PAQR3: variants seen among roughly 807,000 people sequenced by gnomAD.
PAQR3 encodes progestin and adipoQ receptor family member 3.
In PAQR3, 39 loss-of-function variants were observed where a neutral mutation model predicts 41.7. The ratio of observed to expected loss-of-function variants is 0.93; its 90% CI spans 0.72 to 1.22. The LOEUF (loss-of-function observed/expected upper bound fraction) is 1.22. Ranked by LOEUF, PAQR3 falls within the 50% of genes most tolerant of loss-of-function variation. PAQR3 has a pLI of 0.00. For synonymous variants in PAQR3, 140 were observed against 140.6 expected (o/e 1.00, Z 0.03); for missense variants, 366 against 385.6 (o/e 0.95, Z 0.42).
At chr4:78,902,606 A>G (rs1200156497) in intron 11 of PAQR3, among the ~76,000 whole-genome samples, 1 of 152,160 alleles carries the variant, frequency 6.6e-6, no homozygotes, top group African/African-American at 2.4e-5. Context: ...TGTAATTACA[A>G]TAGAAGTTTC....
intron 2 of PAQR3, among the ~76,000 whole-genome samples, chr4:78,932,256 C>T (rs575677558): frequency 5.3e-5 from 8 of 152,222 alleles, no homozygotes; most frequent in African/African-American, 1.7e-4. Context: ...TACTAAGCAA[C>T]CAATCAGTAA....
In PAQR3 at chr4:78,913,913, T is replaced by TC. The variant is rs1560563757; in HGVS notation, c.*6625dup. 2.6e-5 allele frequency: 4 copies of TC among 151,932 alleles called. No homozygotes were observed. The highest frequency in any genetic ancestry group is 9.7e-5 in the African/African-American group (4 of 41,394). The allele number at this position is 151,932 out of a possible 1,614,324, so 9.4% of individuals were successfully genotyped here. A position where few individuals can be genotyped will look rare whatever the true frequency, so the allele number is the denominator to read the frequency against. Reference sequence around the variant, plus strand: ...ATATGTTTGCACCTTTTTTTTTTTTTCTGATTCTCAGGTTGATTAATACTG... The same window carrying TC: ...ATATGTTTGCACCTTTTTTTTTTTTTCCTGATTCTCAGGTTGATTAATACTG... On this transcript the variant is annotated 3_prime_UTR_variant, in exon 6 of 6. Transcript: ENST00000512733.
intron 2 of PAQR3, 133 bp from the exon 3 acceptor site, chr4:78,930,458 C>T: frequency 1.1e-6 from 1 of 873,262 alleles, no homozygotes; most frequent in South Asian, 2.0e-5. Context: ...AGCTCTGTGC[C>T]TTACATGGCT....
chr4:78,922,020 C>A, intron 5 of PAQR3: 1 of 1,009,572 alleles, frequency 9.9e-7, no homozygotes, highest in Non-Finnish European at 1.2e-6. Flanking sequence ...GGCCTAAAAC[C>A]CACTATGGTC....
rs766559743 is a variant in PAQR3 at position 78,920,427 on chromosome 4, CAT to C, written c.*110_*111del. 3.6e-6 allele frequency: 5 copies of C among 1,393,572 alleles called. No individual in the cohort carries two copies. The highest frequency in any genetic ancestry group is 4.7e-6 in the Non-Finnish European group (5 of 1,072,306). 86.3% of individuals were successfully genotyped at this position (1,393,572 alleles called of 1,614,324 possible). On this transcript the variant is annotated 3_prime_UTR_variant, in exon 6 of 6. Transcript: ENST00000512733. ...TTTCCCATTTTTATAAAGCATTACT[CAT>C]ATTAAAAAGGAAAAAGGGAAAACTA...
At position 78,917,955 on chromosome 4, in the gene PAQR3, G is replaced by GT; in HGVS notation, c.*2583dup. ...CAGTTAAAAATATTTAGTAAACCCA[G>GT]TTTATTTACATAATACATATTTTGT... On this transcript the variant is annotated 3_prime_UTR_variant, in exon 6 of 6. Transcript: ENST00000512733. 1.0e-6 allele frequency: 1 copy of GT among 984,100 alleles called. No homozygotes were observed. Among genetic ancestry groups the GT allele is most frequent in the Non-Finnish European group, 1.2e-6 (1 of 828,486 alleles). The allele number at this position is 984,100 out of a possible 1,614,324, so 61.0% of individuals were successfully genotyped here. A position where few individuals can be genotyped will look rare whatever the true frequency, so the allele number is the denominator to read the frequency against.
chr4:78,921,867 A>G (rs1578010796), intron 5 of PAQR3: 1 of 985,004 alleles, frequency 1.0e-6, no homozygotes, highest in Middle Eastern at 5.2e-4. Flanking sequence ...CACTGCTCTC[A>G]TGTACCCAAA....
chr4:78,919,027 G>A lies in PAQR3; in HGVS notation c.*1512C>T, dbSNP rs944781867. 1.2e-5 allele frequency: 12 copies of A among 984,966 alleles called. No individual in the cohort carries two copies. Among genetic ancestry groups the A allele is most frequent in the Non-Finnish European group, 1.4e-5 (12 of 829,724 alleles). 61.0% of individuals were successfully genotyped at this position (984,966 alleles called of 1,614,324 possible). ...ATTCCTTTACTGAGCCTCCTGGGGG[G>A]AAATTCTCTTTGCTGAGATACTATA... On this transcript the variant is annotated 3_prime_UTR_variant, in exon 6 of 6. Transcript: ENST00000512733.
intron 5 of PAQR3, chr4:78,922,332 T>G (rs1735735674): frequency 1.6e-6 from 2 of 1,287,654 alleles, no homozygotes; most frequent in Non-Finnish European, 2.0e-6. Flanking sequence ...TGGGATGGAT[T>G]GTTTAGGCCA....
At chr4:78,896,694 G>A (rs1733721963) in intron 11 of PAQR3, among the ~76,000 whole-genome samples, 1 of 152,120 alleles carries the variant, frequency 6.6e-6, no homozygotes, top group South Asian at 2.1e-4. Flanking sequence ...AATTTTATGG[G>A]AATTTCTAGA....
At chr4:78,906,772 G>T (rs1734306927) in intron 10 of PAQR3, among the ~76,000 whole-genome samples, 1 of 152,036 alleles carries the variant, frequency 6.6e-6, no homozygotes, top group Admixed American at 6.6e-5. Flanking sequence ...AATTGAATTT[G>T]GCCATTCCCA....
chr4:78,914,778 T>C lies in PAQR3; in HGVS notation c.*5761A>G, dbSNP rs543368988. The C allele has an allele frequency of 4.7e-4, 71 of 151,638 alleles. No individual in the cohort carries two copies. The highest frequency in any genetic ancestry group is 8.6e-4 in the Non-Finnish European group (58 of 67,780). 9.4% of individuals were successfully genotyped at this position (151,638 alleles called of 1,614,324 possible). A position where few individuals can be genotyped will look rare whatever the true frequency, so the allele number is the denominator to read the frequency against. On this transcript the variant is annotated 3_prime_UTR_variant, in exon 6 of 6. Transcript: ENST00000512733. ...TCCCTAATATTATTTGGGTGTCCCC[T>C]GTGCTTCTTTAGGATGTAGTTATAA...
chr4:78,900,726 T>TA (rs1375696945), intron 11 of PAQR3, among the ~76,000 whole-genome samples: 2 of 152,226 alleles, frequency 1.3e-5, no homozygotes, highest in Admixed American at 6.5e-5. Context: ...GACTATGTCT[T>TA]AAAATGAATC....
rs1002818542 is a variant in PAQR3 at position 78,916,592 on chromosome 4, C to T, written c.*3947G>A. ...CTTAAGAGTTTTTGCCACAAGAACA[C>T]TTAATAGCACGACTTTTTCAGTGAG... On this transcript the variant is annotated 3_prime_UTR_variant, in exon 6 of 6. Coordinates refer to ENST00000512733, the MANE Select transcript of PAQR3 (RefSeq NM_001040202.2). 1.8e-4 allele frequency: 27 copies of T among 151,846 alleles called. No individual in the cohort carries two copies. Among genetic ancestry groups the T allele is most frequent in the African/African-American group, 6.5e-4 (27 of 41,416 alleles). The allele number at this position is 151,846 out of a possible 1,614,324, so 9.4% of individuals were successfully genotyped here.
At chr4:78,907,304 A>T (rs1353088684), downstream of PAQR3, among the ~76,000 whole-genome samples, 1 of 152,214 alleles carries the variant, frequency 6.6e-6, no homozygotes, top group Admixed American at 6.5e-5. Flanking sequence ...AATGAGAAGT[A>T]TAAAGTGACA....
chr4:78,891,212 A>G (rs1733418644), intron 11 of PAQR3, among the ~76,000 whole-genome samples: 1 of 152,074 alleles, frequency 6.6e-6, no homozygotes, highest in African/African-American at 2.4e-5. Flanking sequence ...GAGAAATCTG[A>G]TATTATTCTC....
At chr4:78,931,484 A>T (rs1736888810) in intron 2 of PAQR3, among the ~76,000 whole-genome samples, 1 of 152,220 alleles carries the variant, frequency 6.6e-6, no homozygotes, top group Non-Finnish European at 1.5e-5. Context: ...ATCTGATTCA[A>T]TCAGCTGTTC....
chr4:78,904,216 G>A (rs1416968546), intron 11 of PAQR3, among the ~76,000 whole-genome samples: 3 of 151,898 alleles, frequency 2.0e-5, no homozygotes, highest in Non-Finnish European at 4.4e-5. Context: ...TGAAAATGTG[G>A]TTAATAAGAT....
chr4:78,910,297 T>TG (rs1411129786), downstream of PAQR3, among the ~76,000 whole-genome samples: 1 of 152,136 alleles, frequency 6.6e-6, no homozygotes, highest in East Asian at 1.9e-4. Flanking sequence ...ATTTTGGTGG[T>TG]GGGGTGAAGA....
Sources: gnomAD v4.1 joint callset for allele counts (sites outside exome capture counted in the v4.1 genomes callset) on GRCh38, gnomAD v4.1.1 for gene constraint, MANE v1.5 for transcripts, NCBI Gene and HGNC (gene_info 2026-07-23, HGNC 2026-07-21) for gene names.